Variants in CHD7 observed in about 807,000 individuals in gnomAD.
CHD7 encodes chromodomain helicase DNA binding protein 7.
A neutral mutation model predicts 307.3 loss-of-function variants in CHD7; 24 were observed. The observed-to-expected ratio is 0.08, with a 90% confidence interval of 0.06 to 0.11. CHD7 has a LOEUF of 0.11. CHD7 is among the 10% of genes least tolerant of loss of function. CHD7 has a pLI of 1.00. For missense variants in CHD7, 3,106 were observed against 3,727.1 expected, an observed-to-expected ratio of 0.83 and a Z score of 4.34; for synonymous variants, 1,363 against 1,349.9, an observed-to-expected ratio of 1.01 and a Z score of -0.21.
At chr8:60,756,478 G>C (rs1809898554) in intron 2 of CHD7, among the ~76,000 whole-genome samples, 2 of 152,168 alleles carry the variant, frequency 1.3e-5, no homozygotes. Context: ...ATTTTAGAAA[G>C]TTGTTAATCC....
chr8:60,841,535 A>T, intron 19 of CHD7, 109 bp from the exon 20 acceptor site: 2 of 812,368 alleles, frequency 2.5e-6, no homozygotes, highest in Non-Finnish European at 4.2e-6. Flanking sequence ...AGTGTCTGGC[A>T]TAAGTGGAGG....
rs111700062 is a variant in CHD7 at position 60,773,275 on chromosome 8, G to A, written c.1666-7725G>A. On this transcript the variant is annotated intron_variant, in intron 2 of 37. Transcript: ENST00000423902. ...TTTCTTCCCTGCCCAGAGAAATGATGGTTTCTGTTGGCCCTCTTTTTTCTC... is the reference window on the plus strand; with the variant it reads ...TTTCTTCCCTGCCCAGAGAAATGATAGTTTCTGTTGGCCCTCTTTTTTCTC... Among the ~76,000 whole-genome samples, 1,185 of 152,314 alleles carry A rather than the reference G, an allele frequency of 7.8e-3. 5 individuals are homozygous for A. Among genetic ancestry groups the A allele is most frequent in the Non-Finnish European group, 0.012 (816 of 68,036 alleles).
intron 3 of CHD7, among the ~76,000 whole-genome samples, chr8:60,792,247 G>A (rs1811811995): frequency 6.6e-6 from 1 of 152,142 alleles, no homozygotes; most frequent in Non-Finnish European, 1.5e-5. Flanking sequence ...TCTTGACTTG[G>A]ATATTTTTGG....
chr8:60,787,566 T>A (rs1811551093), intron 3 of CHD7, among the ~76,000 whole-genome samples: 1 of 152,070 alleles, frequency 6.6e-6, no homozygotes, highest in Admixed American at 6.5e-5. Context: ...AAAAAGGCAC[T>A]TTTTTTAAGT....
In CHD7 at chr8:60,848,964, G is replaced by A. The variant is rs1805329097; in HGVS notation, c.5301-87G>A. On this transcript the variant is annotated intron_variant, in intron 24 of 37. Transcript: ENST00000423902. The stretch of plus-strand genomic sequence containing the variant: ...CCACCATGCTCAGATGTTTATCGTG[G>A]GAGAGAGGGCATGTGAGCTATGTAT... The A allele has an allele frequency of 3.8e-6, 4 of 1,054,042 alleles. No homozygotes were observed. The Admixed American group carries it at 6.9e-5, about 18-fold the overall frequency. 65.3% of individuals were successfully genotyped at this position (1,054,042 alleles called of 1,614,324 possible). A position where few individuals can be genotyped will look rare whatever the true frequency, so the allele number is the denominator to read the frequency against.
At position 60,853,179 on chromosome 8, in the gene CHD7, C is replaced by G. The variant is rs373241264; in HGVS notation, c.6454C>G (p.Gln2152Glu). 2.3e-5 allele frequency: 37 copies of G among 1,613,710 alleles called. No homozygotes were observed. Among genetic ancestry groups the G allele is most frequent in the Non-Finnish European group, 3.0e-5 (35 of 1,179,844 alleles). Residue 2152 changes from glutamine to glutamate, a missense_variant, in exon 31 of 38, where the codon CAG (glutamine) becomes GAG (glutamate). Around this residue, in one of 10 missense-constraint regions of CHD7, gnomAD observed 1,030 missense variants for 1,165.4 expected, o/e 0.88. Coordinates refer to ENST00000423902, the MANE Select transcript of CHD7 (RefSeq NM_017780.4). ...GAACCCACTGGCAGTTGGATTTGTC[C>G]AGACTCCTCCAGTCATCTCATCTGC... ...SLNPLAVGFV[Q>E]TPPVISSAHI... is the part of the protein sequence containing the mutation.
intron 2 of CHD7, among the ~76,000 whole-genome samples, chr8:60,763,481 G>A (rs1810320350): frequency 6.6e-6 from 1 of 152,044 alleles, no homozygotes; most frequent in Admixed American, 6.6e-5. Flanking sequence ...CAGGGGAGTA[G>A]AACTTTACAG....
chr8:60,856,635 C>A lies in CHD7; in HGVS notation c.7355C>A (p.Thr2452Lys). The change falls in exon 34 of 38, where the codon ACA becomes AAA. Residue 2452 changes from threonine (T) to lysine (K), a missense_variant. Thr to Lys is a moderately conservative substitution (Grantham distance 78). Transcript: ENST00000423902. ...TTATCAAAGGCCTCAAGAGAGGCAA[C>A]AAGCTCTACCTCAAATTTTTCATCT... The part of the protein sequence containing the change: ...VDLSKASREA[T>K]SSTSNFSSLS... 4 of 1,614,034 alleles carry A rather than the reference C, an allele frequency of 2.5e-6. No individual in the cohort carries two copies. Among genetic ancestry groups the A allele is most frequent in the Non-Finnish European group, 3.4e-6 (4 of 1,179,884 alleles).
chr8:60,727,027 C>T (rs1808195538), intron 1 of CHD7, among the ~76,000 whole-genome samples: 1 of 152,194 alleles, frequency 6.6e-6, no homozygotes, highest in South Asian at 2.1e-4. Context: ...ATAGTGCTTT[C>T]TAAGTGGCAG....
At position 60,822,125 on chromosome 8, in the gene CHD7, A is replaced by C; in HGVS notation, c.2937A>C (p.Leu979=). The C allele has an allele frequency of 6.2e-7, 1 of 1,613,570 alleles. No individual in the cohort carries two copies. Among genetic ancestry groups the C allele is most frequent in the East Asian group, 2.2e-5 (1 of 44,876 alleles). Residue 979 remains leucine (L), a synonymous_variant, in exon 11 of 38, where the codon CTA becomes CTC. Transcript: ENST00000423902. ...REYQLEGVNW[L]LFNWYNMRNC... ...ACCAGTTGGAGGGAGTAAACTGGCTACTTTTCAATTGGTACAACATGTATG... is the reference window on the plus strand; with the variant it reads ...ACCAGTTGGAGGGAGTAAACTGGCTCCTTTTCAATTGGTACAACATGTATG...
chr8:60,846,085 G>A (rs917619633), intron 23 of CHD7, among the ~76,000 whole-genome samples: 26 of 152,116 alleles, frequency 1.7e-4, no homozygotes, highest in African/African-American at 5.6e-4. Flanking sequence ...TATATGCCAC[G>A]TTTTGTTTGT....
At chr8:60,800,357 T>G (rs764924848) in intron 4 of CHD7, 31 bp from the exon 5 acceptor site, 1 of 1,605,954 alleles carries the variant, frequency 6.2e-7, no homozygotes, top group Non-Finnish European at 8.5e-7. Context: ...ATCATTAATT[T>G]CAAGGCCACT....
At chr8:60,691,654 T>G (rs929936188) in intron 1 of CHD7, among the ~76,000 whole-genome samples, 8 of 152,210 alleles carry the variant, frequency 5.3e-5, no homozygotes, top group Non-Finnish European at 1.2e-4. Flanking sequence ...GCTAATGTTC[T>G]TACCCACTCC....
In CHD7 at chr8:60,828,766, C is replaced by T; in HGVS notation, c.3482C>T (p.Thr1161Ile). The T allele has an allele frequency of 6.2e-7, 1 of 1,613,578 alleles. No individual in the cohort carries two copies. The highest frequency in any genetic ancestry group is 8.5e-7 in the Non-Finnish European group (1 of 1,179,642). The change falls in exon 14 of 38, where the codon ACA (threonine) becomes ATA (isoleucine). Residue 1161 changes from threonine to isoleucine, a missense_variant. Physicochemically the swap from Thr to Ile is moderately conservative, Grantham distance 89. Coordinates refer to ENST00000423902, the MANE Select transcript of CHD7 (RefSeq NM_017780.4). ...CCAAGTCGCTTCCCTTCAGAAACCACATTTATGCAAGAATTTGGTGATCTA... is the reference window on the plus strand; with the variant it reads ...CCAAGTCGCTTCCCTTCAGAAACCATATTTATGCAAGAATTTGGTGATCTA... ...LEPSRFPSET[T>I]FMQEFGDLKT...
At chr8:60,820,741 G>A in intron 9 of CHD7, among the ~76,000 whole-genome samples, 1 of 152,110 alleles carries the variant, frequency 6.6e-6, no homozygotes, top group African/African-American at 2.4e-5. Flanking sequence ...ACAGTGTTTG[G>A]ATCTTGCTTT....
chr8:60,772,344 G>T (rs887309299), intron 2 of CHD7, among the ~76,000 whole-genome samples: 3 of 152,104 alleles, frequency 2.0e-5, no homozygotes, highest in Non-Finnish European at 4.4e-5. Context: ...AAATTCTTAG[G>T]AACAGCATAG....
chr8:60,863,446 A>G (rs1182895585), intron 37 of CHD7: 1 of 152,228 alleles, frequency 6.6e-6, no homozygotes, highest in Non-Finnish European at 1.5e-5. Context: ...CATAGATGTG[A>G]CACTGGACGG....
At chr8:60,746,592 T>G (rs1254041293) in intron 2 of CHD7, among the ~76,000 whole-genome samples, 2 of 152,258 alleles carry the variant, frequency 1.3e-5, no homozygotes, top group African/African-American at 4.8e-5. Context: ...AAAATATCAC[T>G]TTCAGGTAGA....
intron 7 of CHD7, 23 bp from the exon 8 acceptor site, chr8:60,816,364 A>G (rs779812163): frequency 1.1e-5 from 13 of 1,217,310 alleles, no homozygotes. Flanking sequence ...ACATATTTCA[A>G]GGATATTGTT....
Sources: gnomAD v4.1 joint callset for allele counts (sites outside exome capture counted in the v4.1 genomes callset) on GRCh38, gnomAD v4.1.1 for gene constraint, gnomAD v4.1.1 regional missense constraint, MANE v1.5 for transcripts, NCBI Gene and HGNC (gene_info 2026-07-23, HGNC 2026-07-21) for gene names.